The following DPP10 variants were observed in gnomAD, a reference collection of about 807,000 sequenced individuals.
DPP10 encodes dipeptidyl peptidase like 10, also known as inactive dipeptidyl peptidase 10.
Under a neutral mutation model 120.9 loss-of-function variants are expected in DPP10, and 33 were observed. The observed-to-expected ratio is 0.27, with a 90% CI of 0.21 to 0.37. The LOEUF (loss-of-function observed/expected upper bound fraction) is 0.37, where lower values mean the gene tolerates loss of function less well. Ranked by LOEUF, DPP10 falls within the 10% of genes least tolerant of loss-of-function variation. DPP10 has a pLI of 1.00. For synonymous variants in DPP10, 337 were observed against 326.1 expected (o/e 1.03, Z -0.36); for missense variants, 816 against 942.8 (o/e 0.87, Z 1.76).
At chr2:115,667,482 T>C (rs2089547144) in intron 5 of DPP10, among the ~76,000 whole-genome samples, 1 of 152,118 alleles carries the variant, frequency 6.6e-6, no homozygotes, top group East Asian at 1.9e-4. Flanking sequence ...TTCAGGGTTT[T>C]CATTTAACTC....
At chr2:115,194,765 C>T (rs967582056) in intron 1 of DPP10, among the ~76,000 whole-genome samples, 10 of 152,098 alleles carry the variant, frequency 6.6e-5, no homozygotes, top group East Asian at 1.9e-4. Flanking sequence ...GGAATCTACA[C>T]GGCAGAGGAC....
intron 1 of DPP10, among the ~76,000 whole-genome samples, chr2:114,630,753 T>C (rs1461080915): frequency 6.6e-6 from 1 of 152,144 alleles, no homozygotes; most frequent in Admixed American, 6.5e-5. Flanking sequence ...ATTGAGAGAA[T>C]GTGGTGTAGA....
intron 5 of DPP10, among the ~76,000 whole-genome samples, chr2:115,649,898 C>G (rs1266598617): frequency 1.3e-5 from 2 of 152,044 alleles, no homozygotes; most frequent in African/African-American, 4.8e-5. Flanking sequence ...AGAGGGCTGG[C>G]TGCTATTCAG....
chr2:115,220,844 T>C (rs2057111770), intron 1 of DPP10, among the ~76,000 whole-genome samples: 1 of 151,742 alleles, frequency 6.6e-6, no homozygotes, highest in Non-Finnish European at 1.5e-5. Flanking sequence ...CAGAATTTAC[T>C]TTTAATTATC....
chr2:114,752,640 G>A (rs1280999357), intron 1 of DPP10, among the ~76,000 whole-genome samples: 1 of 152,110 alleles, frequency 6.6e-6, no homozygotes, highest in East Asian at 1.9e-4. Flanking sequence ...GCAGGCATCA[G>A]ACTGTCCTGC....
intron 1 of DPP10, among the ~76,000 whole-genome samples, chr2:114,881,237 C>A (rs1263137851): frequency 6.6e-6 from 1 of 152,126 alleles, no homozygotes; most frequent in African/African-American, 2.4e-5. Flanking sequence ...ACTCATAGGT[C>A]TGGCCATTGG....
intron 8 of DPP10, among the ~76,000 whole-genome samples, chr2:115,735,185 C>T (rs2093006873): frequency 6.6e-6 from 1 of 152,062 alleles, no homozygotes; most frequent in Admixed American, 6.5e-5. Context: ...TAAGAATATT[C>T]TTATTATTCA....
intron 7 of DPP10, among the ~76,000 whole-genome samples, chr2:115,691,542 T>C (rs532935716): frequency 1.3e-5 from 2 of 152,288 alleles, no homozygotes; most frequent in South Asian, 4.1e-4. Flanking sequence ...TTCTTCCGGC[T>C]CTTTTTTTCT....
intron 5 of DPP10, among the ~76,000 whole-genome samples, chr2:115,685,677 T>C (rs2090950039): frequency 6.6e-6 from 1 of 152,048 alleles, no homozygotes; most frequent in African/African-American, 2.4e-5. Context: ...AACTTTATTA[T>C]GATAATCTTT....
intron 5 of DPP10, among the ~76,000 whole-genome samples, chr2:115,530,104 C>T (rs939105561): frequency 1.3e-5 from 2 of 151,970 alleles, no homozygotes; most frequent in Admixed American, 1.3e-4. Flanking sequence ...GACAAAATAA[C>T]TGGAGGTGAA....
At position 115,053,311 on chromosome 2, in the gene DPP10, G is replaced by A. The variant is rs112361756; in HGVS notation, c.61-255928G>A. On this transcript the variant is annotated intron_variant, in intron 1 of 25. Transcript: ENST00000410059. ...AAAAAGCAACACAGTACTAGCACAC[G>A]CTACAATATCCATGAACTCTGAAAA... 8.7e-3 allele frequency among the ~76,000 whole-genome samples: 1,320 copies of A among 152,246 alleles called. 24 individuals are homozygous for A. The highest frequency in any genetic ancestry group is 0.03 in the African/African-American group (1,264 of 41,530).
In DPP10 at chr2:115,201,900, C is replaced by T. The variant is rs567399174; in HGVS notation, c.61-107339C>T. Among the ~76,000 whole-genome samples, 19 of 152,070 alleles carry T rather than the reference C, an allele frequency of 1.2e-4. 1 individual carries two copies. Among genetic ancestry groups the T allele is most frequent in the Admixed American group, 7.2e-4 (11 of 15,262 alleles). On this transcript the variant is annotated intron_variant, in intron 1 of 25. Transcript: ENST00000410059. ...AAGAAGGAAAACATTAGGGCATTAT[C>T]GGGTGAGAACGTCTCTCATTTCCTC...
chr2:115,685,181 A>T (rs1237193534), intron 5 of DPP10, among the ~76,000 whole-genome samples: 5 of 151,942 alleles, frequency 3.3e-5, no homozygotes, highest in African/African-American at 1.2e-4. Flanking sequence ...TAAGTAATAT[A>T]ATATATGTAA....
chr2:115,173,611 G>A (rs2053512121), intron 1 of DPP10, among the ~76,000 whole-genome samples: 1 of 152,168 alleles, frequency 6.6e-6, no homozygotes, highest in Admixed American at 6.5e-5. Flanking sequence ...TAATGGGTAT[G>A]CTTTAGGTAG....
chr2:115,337,189 T>TTC (rs2063192692), intron 2 of DPP10, among the ~76,000 whole-genome samples: 1 of 151,922 alleles, frequency 6.6e-6, no homozygotes, highest in Non-Finnish European at 1.5e-5. Flanking sequence ...GCTGTGACAT[T>TTC]TCTCTCTTTG....
chr2:115,336,519 A>G (rs1174460803), intron 2 of DPP10, among the ~76,000 whole-genome samples: 1 of 151,820 alleles, frequency 6.6e-6, no homozygotes, highest in Non-Finnish European at 1.5e-5. Context: ...AATAGCAACT[A>G]TTAAAATATA....
At chr2:115,476,511 A>G (rs1182723206) in intron 3 of DPP10, among the ~76,000 whole-genome samples, 2 of 152,212 alleles carry the variant, frequency 1.3e-5, no homozygotes, top group South Asian at 2.1e-4. Flanking sequence ...CAGAGAGCCA[A>G]TGCATCACAT....
intron 12 of DPP10, among the ~76,000 whole-genome samples, chr2:115,766,985 G>C (rs944169125): frequency 6.6e-6 from 1 of 152,142 alleles, no homozygotes; most frequent in African/African-American, 2.4e-5. Flanking sequence ...TGAGATTTGG[G>C]TGGTACACAG....
chr2:115,273,555 C>A (rs2059788951), intron 1 of DPP10, among the ~76,000 whole-genome samples: 1 of 152,162 alleles, frequency 6.6e-6, no homozygotes, highest in African/African-American at 2.4e-5. Flanking sequence ...CCAGGATGGT[C>A]TCGATCTCCT....
Sources: gnomAD v4.1 joint callset for allele counts (sites outside exome capture counted in the v4.1 genomes callset) on GRCh38, gnomAD v4.1.1 for gene constraint, MANE v1.5 for transcripts, NCBI Gene and HGNC (gene_info 2026-07-23, HGNC 2026-07-21) for gene names.